Variants in TARS3 observed in about 807,000 individuals in gnomAD.
TARS3 encodes threonine--tRNA ligase 2, cytoplasmic.
In TARS3, 94 loss-of-function variants were observed where a neutral mutation model predicts 103.5. The observed-to-expected ratio is 0.91, with a 90% CI of 0.77 to 1.08. The LOEUF is 1.08. Ranked by LOEUF, TARS3 falls within the 50% of genes least tolerant of loss-of-function variation. The pLI is 0.00. For synonymous variants in TARS3, 416 were observed against 355.4 expected (o/e 1.17, Z -1.92); for missense variants, 952 against 995.2 (o/e 0.96, Z 0.58).
At chr15:101,669,072 T>C (rs973052949) in intron 15 of TARS3, among the ~76,000 whole-genome samples, 3 of 152,182 alleles carry the variant, frequency 2.0e-5, no homozygotes, top group Admixed American at 2.0e-4. Context: ...TCATGGGTGA[T>C]GACAGCTCCA....
chr15:101,657,068 A>C lies in TARS3; in HGVS notation c.2146-32T>G, dbSNP rs759151362. On this transcript the variant is annotated intron_variant, in intron 17 of 18. Transcript: ENST00000335968. Reference sequence around the variant, plus strand: ...GAAAATGAAACACCTTTACTGTTACATTATGGTACCTAGCCTCCAAGAAGA... The same window carrying C: ...GAAAATGAAACACCTTTACTGTTACCTTATGGTACCTAGCCTCCAAGAAGA... 6 of 1,424,890 alleles carry C rather than the reference A, an allele frequency of 4.2e-6. No individual in the cohort carries two copies. In the African/African-American group the frequency reaches 7.1e-5, roughly 17 times the overall value. 88.3% of individuals were successfully genotyped at this position (1,424,890 alleles called of 1,614,324 possible).
intron 3 of TARS3, among the ~76,000 whole-genome samples, chr15:101,717,680 G>A (rs1442336435): frequency 6.6e-6 from 1 of 152,174 alleles, no homozygotes; most frequent in African/African-American, 2.4e-5. Flanking sequence ...GTAGACAACG[G>A]CAACATTGTA....
intron 11 of TARS3, 84 bp from the exon 12 acceptor site, chr15:101,684,321 G>T: frequency 7.7e-7 from 1 of 1,301,458 alleles, no homozygotes; most frequent in Non-Finnish European, 1.0e-6. Flanking sequence ...TTACAATTAA[G>T]CCTCAAGATT....
At chr15:101,699,778 G>T (rs1305537681) in intron 10 of TARS3, among the ~76,000 whole-genome samples, 1 of 152,194 alleles carries the variant, frequency 6.6e-6, no homozygotes, top group Non-Finnish European at 1.5e-5. Flanking sequence ...CGGAGAACAA[G>T]ACTGGAGAAG....
At chr15:101,674,157 C>T (rs980123688) in intron 13 of TARS3, among the ~76,000 whole-genome samples, 1 of 152,228 alleles carries the variant, frequency 6.6e-6, no homozygotes, top group Non-Finnish European at 1.5e-5. Context: ...GCTGGGTGCA[C>T]TGCCCACCTG....
intron 15 of TARS3, among the ~76,000 whole-genome samples, chr15:101,668,455 TAA>T (rs1366217921): frequency 6.6e-6 from 1 of 152,094 alleles, no homozygotes. Flanking sequence ...CCTAAAATTA[TAA>T]GAGTAATATC....
chr15:101,711,848 A>G, intron 5 of TARS3, 32 bp downstream of exon 5: 1 of 1,608,704 alleles, frequency 6.2e-7, no homozygotes, highest in East Asian at 2.2e-5. Flanking sequence ...ATTGAAACAC[A>G]TGCATTCACA....
intron 15 of TARS3, among the ~76,000 whole-genome samples, chr15:101,669,927 T>C (rs1897731589): frequency 6.6e-6 from 1 of 152,252 alleles, no homozygotes; most frequent in African/African-American, 2.4e-5. Context: ...AAGTCGATGG[T>C]GAAATAGTGG....
intron 15 of TARS3, among the ~76,000 whole-genome samples, chr15:101,667,290 A>G (rs1399235671): frequency 6.6e-6 from 1 of 152,218 alleles, no homozygotes; most frequent in African/African-American, 2.4e-5. Context: ...TCTGAATGGT[A>G]AATGAGCACT....
chr15:101,675,531 A>AAG (rs1172433737), intron 13 of TARS3, 69 bp downstream of exon 13: 3 of 1,471,762 alleles, frequency 2.0e-6, no homozygotes, highest in Non-Finnish European at 2.8e-6. Context: ...TCCTCCTGTG[A>AAG]AGACTGCAGC....
At chr15:101,697,957 A>G (rs1899062123) in intron 10 of TARS3, among the ~76,000 whole-genome samples, 1 of 152,194 alleles carries the variant, frequency 6.6e-6, no homozygotes, top group Non-Finnish European at 1.5e-5. Context: ...AAGGAATTGT[A>G]CTAGCTTAGA....
intron 3 of TARS3, 78 bp from the exon 4 acceptor site, chr15:101,715,041 G>GT: frequency 7.2e-7 from 1 of 1,397,222 alleles, no homozygotes; most frequent in South Asian, 1.7e-5. Context: ...AGAATTTCTA[G>GT]GGTTTTTTTT....
chr15:101,671,134 C>G (rs541578756), intron 15 of TARS3, among the ~76,000 whole-genome samples: 1 of 152,094 alleles, frequency 6.6e-6, no homozygotes, highest in African/African-American at 2.4e-5. Flanking sequence ...GATAAAATTG[C>G]CTTTTTTCCC....
At chr15:101,683,242 T>C (rs935980672) in intron 12 of TARS3, among the ~76,000 whole-genome samples, 3 of 152,240 alleles carry the variant, frequency 2.0e-5, no homozygotes, top group Non-Finnish European at 4.4e-5. Context: ...TTCAGTGCTA[T>C]AAACATCCCT....
At chr15:101,672,079 C>T (rs1016552465) in intron 13 of TARS3, among the ~76,000 whole-genome samples, 20 of 152,170 alleles carry the variant, frequency 1.3e-4, no homozygotes, top group Non-Finnish European at 1.3e-4. Flanking sequence ...CAACCAGCTT[C>T]TGCCTCCTGG....
At chr15:101,659,551 G>A (rs1897303055) in intron 16 of TARS3, among the ~76,000 whole-genome samples, 1 of 152,058 alleles carries the variant, frequency 6.6e-6, no homozygotes, top group African/African-American at 2.4e-5. Flanking sequence ...CCGTCTCTGC[G>A]ACAAAGGAAG....
intron 16 of TARS3, among the ~76,000 whole-genome samples, chr15:101,660,414 T>C (rs1897333674): frequency 6.6e-6 from 1 of 152,210 alleles, no homozygotes; most frequent in South Asian, 2.1e-4. Context: ...TAGTAGTGAA[T>C]CCCTTAATGT....
In TARS3 at chr15:101,661,489, T is replaced by C. The variant is rs191154033; in HGVS notation, c.2072+223A>G. On this transcript the variant is annotated intron_variant, in intron 16 of 18. Transcript: ENST00000335968. ...GGTACAGTTTTATGCCACTCTCCCT[T>C]AGTTTTTATTTTCTGATCTGGCAAA... Among the ~76,000 whole-genome samples the C allele has an allele frequency of 8.6e-5, 13 of 152,012 alleles. No homozygotes were observed. The East Asian group carries it at 2.5e-3, about 29-fold the overall frequency.
chr15:101,706,463 A>G (rs1276173434), intron 6 of TARS3, among the ~76,000 whole-genome samples: 1 of 152,200 alleles, frequency 6.6e-6, no homozygotes, highest in Non-Finnish European at 1.5e-5. Context: ...ATTAATTGCA[A>G]CTTTTACTTT....
Sources: gnomAD v4.1 joint callset for allele counts (sites outside exome capture counted in the v4.1 genomes callset) on GRCh38, gnomAD v4.1.1 for gene constraint, MANE v1.5 for transcripts, NCBI Gene and HGNC (gene_info 2026-07-23, HGNC 2026-07-21) for gene names.